TENM3: variants seen among roughly 807,000 people sequenced by gnomAD.
TENM3 encodes the protein teneurin-3.
In TENM3, 63 loss-of-function variants were observed where a neutral mutation model predicts 255.1. The observed-to-expected ratio is 0.25, with a 90% confidence interval of 0.20 to 0.30. The LOEUF (loss-of-function observed/expected upper bound fraction) is 0.30. TENM3 is among the 10% of genes least tolerant of loss of function. The pLI is 1.00. For missense variants in TENM3, 2,929 were observed against 3,461.1 expected, an observed-to-expected ratio of 0.85 and a Z score of 3.86; for synonymous variants, 1,306 against 1,322.3, an observed-to-expected ratio of 0.99 and a Z score of 0.27.
chr4:182,026,033 T>C, the TENM3 span, among the ~76,000 whole-genome samples: 1 of 152,156 alleles, frequency 6.6e-6, no homozygotes, highest in Non-Finnish European at 1.5e-5. Flanking sequence ...TGTCCGTGTG[T>C]TCTCATTGTT....
the TENM3 span, among the ~76,000 whole-genome samples, chr4:181,493,075 G>C: frequency 6.6e-6 from 1 of 151,942 alleles, no homozygotes; most frequent in African/African-American, 2.4e-5. Flanking sequence ...TGGCACCAGG[G>C]AGATTTTGGT....
chr4:182,528,377 G>C (rs1029394115), intron 3 of TENM3, among the ~76,000 whole-genome samples: 2 of 152,084 alleles, frequency 1.3e-5, no homozygotes, highest in Non-Finnish European at 2.9e-5. Flanking sequence ...GTGGCGCAGG[G>C]GTTTCTCCAG....
the TENM3 span, among the ~76,000 whole-genome samples, chr4:181,612,682 G>T: frequency 6.6e-6 from 1 of 152,036 alleles, no homozygotes. Flanking sequence ...TATGTGATAG[G>T]ATACGCAGTC....
At chr4:182,359,949 TC>T (rs760911388) in intron 3 of TENM3, among the ~76,000 whole-genome samples, 2 of 151,918 alleles carry the variant, frequency 1.3e-5, no homozygotes, top group Non-Finnish European at 2.9e-5. Flanking sequence ...TCAAAGAACA[TC>T]TTTATTTCTG....
the TENM3 span, among the ~76,000 whole-genome samples, chr4:181,638,674 T>C: frequency 1.3e-5 from 2 of 152,320 alleles, no homozygotes; most frequent in East Asian, 3.9e-4. Flanking sequence ...GGAAACTTTA[T>C]TGGAAAACAT....
chr4:181,934,609 C>T, the TENM3 span, among the ~76,000 whole-genome samples: 1 of 152,016 alleles, frequency 6.6e-6, no homozygotes, highest in South Asian at 2.1e-4. Context: ...TGGACCAATG[C>T]TTAAAAAAGG....
At chr4:182,335,426 C>T (rs564121441) in intron 2 of TENM3, among the ~76,000 whole-genome samples, 6 of 120,918 alleles carry the variant, frequency 5.0e-5, no homozygotes, top group South Asian at 3.2e-4. Context: ...ACCCGGGAGG[C>T]GGAGCTTGCA....
At chr4:182,782,042 GTC>G (rs1765218032) in intron 24 of TENM3, among the ~76,000 whole-genome samples, 1 of 96,212 alleles carries the variant, frequency 1.0e-5, no homozygotes, top group Admixed American at 1.2e-4. Flanking sequence ...GGTTTTTTGT[GTC>G]TCTATTTCCT....
At chr4:182,263,740 A>C (rs994865862) in intron 1 of TENM3, among the ~76,000 whole-genome samples, 2 of 151,920 alleles carry the variant, frequency 1.3e-5, no homozygotes, top group South Asian at 2.1e-4. Context: ...TCCCTTTCTT[A>C]TCTCTCTGTT....
the TENM3 span, among the ~76,000 whole-genome samples, chr4:181,704,862 G>A: frequency 7.2e-5 from 11 of 152,016 alleles, no homozygotes; most frequent in Admixed American, 4.6e-4. Flanking sequence ...GTGAAACCCC[G>A]TCTCTACTAA....
intron 24 of TENM3, among the ~76,000 whole-genome samples, chr4:182,788,049 TTGTG>T (rs201250055): frequency 6.6e-6 from 1 of 152,040 alleles, no homozygotes. Context: ...ACGTGAGTGG[TTGTG>T]TGTGTGTGTA....
chr4:181,538,609 G>A, the TENM3 span, among the ~76,000 whole-genome samples: 4 of 152,126 alleles, frequency 2.6e-5, no homozygotes, highest in East Asian at 1.9e-4. Flanking sequence ...ACACCTATGA[G>A]ACTATGGGGC....
chr4:181,547,344 A>C, the TENM3 span, among the ~76,000 whole-genome samples: 1 of 152,200 alleles, frequency 6.6e-6, no homozygotes. Context: ...AAAATAAAGA[A>C]GATGATCAGT....
At chr4:182,036,855 T>A in the TENM3 span, among the ~76,000 whole-genome samples, 1 of 151,790 alleles carries the variant, frequency 6.6e-6, no homozygotes, top group African/African-American at 2.4e-5. Context: ...TTTATCTTGC[T>A]GATTTTTTTT....
chr4:181,816,845 A>G, the TENM3 span, among the ~76,000 whole-genome samples: 1 of 152,236 alleles, frequency 6.6e-6, no homozygotes, highest in East Asian at 1.9e-4. Context: ...TCTCTTGGCT[A>G]GATTATTGTC....
chr4:182,736,063 G>A (rs983788168), intron 16 of TENM3, among the ~76,000 whole-genome samples: 8 of 152,128 alleles, frequency 5.3e-5, no homozygotes, highest in South Asian at 2.1e-4. Context: ...AGGATAAATT[G>A]TATGGAGCTT....
At chr4:181,870,472 A>G in the TENM3 span, among the ~76,000 whole-genome samples, 4 of 152,230 alleles carry the variant, frequency 2.6e-5, no homozygotes, top group South Asian at 2.1e-4. Context: ...TGGTGTTATT[A>G]TTCTTCTGGG....
chr4:181,507,905 T>A, the TENM3 span, among the ~76,000 whole-genome samples: 6 of 152,212 alleles, frequency 3.9e-5, no homozygotes, highest in Non-Finnish European at 8.8e-5. Flanking sequence ...CATTATTGAC[T>A]CATGCCCCAA....
chr4:182,301,201 A>C (rs1761832941), intron 1 of TENM3, among the ~76,000 whole-genome samples: 1 of 152,200 alleles, frequency 6.6e-6, no homozygotes, highest in Admixed American at 6.5e-5. Context: ...GCAGTCAGAT[A>C]GAGTCAAACA....
Sources: allele counts gnomAD v4.1 joint callset (sites outside exome capture counted in the v4.1 genomes callset), GRCh38; gene constraint gnomAD v4.1.1; transcripts MANE v1.5; gene names NCBI Gene and HGNC (gene_info 2026-07-23, HGNC 2026-07-21).